Variants in MYO16 observed in about 807,000 individuals in gnomAD.
MYO16 encodes the protein unconventional myosin-XVI.
A neutral mutation model predicts 205.3 loss-of-function variants in MYO16; 94 were observed. The observed-to-expected ratio is 0.46, with a 90% CI of 0.39 to 0.54. The LOEUF is 0.54. Ranked by LOEUF, MYO16 falls within the 20% of genes least tolerant of loss-of-function variation. MYO16 has a pLI of 0.00. For synonymous variants in MYO16, 988 were observed against 954.0 expected (o/e 1.04, Z -0.66); for missense variants, 2,315 against 2,387.5 (o/e 0.97, Z 0.63).
the MYO16 span, among the ~76,000 whole-genome samples, chr13:108,535,639 T>C: frequency 4.0e-4 from 61 of 152,200 alleles, 1 homozygote; most frequent in Admixed American, 3.9e-3. Context: ...TTCATCACTT[T>C]CCCTTGAGCC....
intron 27 of MYO16, among the ~76,000 whole-genome samples, chr13:109,072,085 A>G (rs1460307630): frequency 6.6e-6 from 1 of 152,198 alleles, no homozygotes; most frequent in African/African-American, 2.4e-5. Flanking sequence ...GAGAAAATAC[A>G]GACCTTGATT....
At chr13:108,692,164 A>G (rs1314167435) in intron 2 of MYO16, among the ~76,000 whole-genome samples, 1 of 152,240 alleles carries the variant, frequency 6.6e-6, no homozygotes, top group Non-Finnish European at 1.5e-5. Flanking sequence ...AGTATATTTA[A>G]GCTAATCAGA....
At chr13:108,813,800 C>T (rs1231550363) in intron 7 of MYO16, among the ~76,000 whole-genome samples, 2 of 152,060 alleles carry the variant, frequency 1.3e-5, no homozygotes, top group Non-Finnish European at 2.9e-5. Context: ...TGCAGTTGAA[C>T]AGCACACTCT....
chr13:108,571,775 G>GAA, the MYO16 span, among the ~76,000 whole-genome samples: 31 of 138,118 alleles, frequency 2.2e-4, no homozygotes, highest in Non-Finnish European at 3.1e-4. Context: ...TTCTATATTT[G>GAA]AAAAAAAAAA....
the MYO16 span, among the ~76,000 whole-genome samples, chr13:108,523,179 C>T: frequency 4.6e-5 from 7 of 152,144 alleles, no homozygotes; most frequent in African/African-American, 1.4e-4. Context: ...TCCCAGGGAC[C>T]TACCAGGGAG....
chr13:108,601,677 C>A (rs117905176), intron 1 of MYO16, among the ~76,000 whole-genome samples: 2,388 of 152,164 alleles, frequency 0.016, 53 homozygotes, highest in South Asian at 0.086. Context: ...CATCCCAGAC[C>A]TTTGTCCCAA....
intron 10 of MYO16, 111 bp downstream of exon 10, chr13:108,844,604 A>C: frequency 9.4e-7 from 1 of 1,067,816 alleles, no homozygotes; most frequent in Non-Finnish European, 1.3e-6. Context: ...TTCAAAGACA[A>C]TTAATGCATA....
intron 32 of MYO16, among the ~76,000 whole-genome samples, chr13:109,143,158 C>T (rs1168017456): frequency 6.6e-6 from 1 of 152,098 alleles, no homozygotes; most frequent in African/African-American, 2.4e-5. Flanking sequence ...CATTAACCTG[C>T]TCCTTCACCA....
the MYO16 span, among the ~76,000 whole-genome samples, chr13:108,588,254 A>G: frequency 6.6e-6 from 1 of 152,178 alleles, no homozygotes; most frequent in Non-Finnish European, 1.5e-5. Context: ...TGTATGTCAC[A>G]ATCAACGCTG....
intron 2 of MYO16, among the ~76,000 whole-genome samples, chr13:108,700,087 CT>C (rs1202213448): frequency 6.6e-6 from 1 of 152,066 alleles, no homozygotes; most frequent in Non-Finnish European, 1.5e-5. Flanking sequence ...AATCCCAGCA[CT>C]TTGGGAGGCT....
chr13:109,046,931 G>A lies in MYO16; in HGVS notation c.2812G>A (p.Val938Ile). ...TTTATTCTAGGTAATGTATGATGTT[G>A]TTGGGGCGATTGAAAAAAATAAAGA... ...HYAGRVMYDV[V>I]GAIEKNKDSL... Residue 938 changes from valine to isoleucine, a missense_variant, in exon 24 of 35, where the codon GTT (valine) becomes ATT (isoleucine). This residue lies in a region of MYO16 where 1,213 missense variants were observed against 1,274.4 expected (regional missense o/e 0.95). Coordinates refer to ENST00000457511, the MANE Select transcript of MYO16 (RefSeq NM_001198950.3). 1 of 1,609,226 alleles carries A rather than the reference G, an allele frequency of 6.2e-7. No individual in the cohort carries two copies. Among genetic ancestry groups the A allele is most frequent in the Non-Finnish European group, 8.5e-7 (1 of 1,175,870 alleles).
intron 1 of MYO16, among the ~76,000 whole-genome samples, chr13:108,643,969 G>A (rs1471054144): frequency 6.6e-6 from 1 of 152,124 alleles, no homozygotes. Context: ...GGAAATATTA[G>A]GTAAACCATT....
At chr13:108,652,981 G>T (rs75778140) in intron 1 of MYO16, among the ~76,000 whole-genome samples, 8,959 of 152,194 alleles carry the variant, frequency 0.059, 629 homozygotes, top group East Asian at 0.18. Flanking sequence ...TTTTCACAAT[G>T]GCTGCACCAC....
At position 108,813,110 on chromosome 13, in the gene MYO16, G is replaced by T. The variant is rs767115081; in HGVS notation, c.867+6306G>T. ...GGCAGAGGAGGATTATGAGATTTGC[G>T]AATGGAAATAAAAGAGGAGTGTTTC... On this transcript the variant is annotated intron_variant, in intron 7 of 34. Transcript: ENST00000457511. Among the ~76,000 whole-genome samples the T allele has an allele frequency of 1.4e-4, 21 of 152,204 alleles. No homozygotes were observed. In the Middle Eastern group the frequency reaches 0.01, roughly 74 times the overall value.
At chr13:108,772,593 A>C (rs1363688899) in intron 4 of MYO16, among the ~76,000 whole-genome samples, 1 of 150,924 alleles carries the variant, frequency 6.6e-6, no homozygotes, top group Non-Finnish European at 1.5e-5. Flanking sequence ...AAGCCTTGGA[A>C]AAAAAAAATG....
chr13:108,761,094 G>T (rs975336290), intron 4 of MYO16, among the ~76,000 whole-genome samples: 4 of 152,032 alleles, frequency 2.6e-5, no homozygotes, highest in African/African-American at 9.7e-5. Context: ...ATCTGTTGAT[G>T]GATACCTAAA....
At chr13:108,758,891 T>C (rs1453036274) in intron 4 of MYO16, among the ~76,000 whole-genome samples, 2 of 152,254 alleles carry the variant, frequency 1.3e-5, no homozygotes, top group African/African-American at 4.8e-5. Flanking sequence ...TTTAGTGTAA[T>C]ATCTTTTTCT....
chr13:108,575,781 C>T, the MYO16 span, among the ~76,000 whole-genome samples: 2 of 152,150 alleles, frequency 1.3e-5, no homozygotes, highest in East Asian at 1.9e-4. Context: ...GTGGTGCCTA[C>T]GCTCTGGTTA....
At chr13:108,574,621 A>G in the MYO16 span, among the ~76,000 whole-genome samples, 1 of 151,816 alleles carries the variant, frequency 6.6e-6, no homozygotes, top group African/African-American at 2.4e-5. Context: ...TACGATTTAA[A>G]GTTAAAATCT....
Sources: gnomAD v4.1 joint callset for allele counts (sites outside exome capture counted in the v4.1 genomes callset) on GRCh38, gnomAD v4.1.1 for gene constraint, gnomAD v4.1.1 regional missense constraint, MANE v1.5 for transcripts, NCBI Gene and HGNC (gene_info 2026-07-23, HGNC 2026-07-21) for gene names.